SH3KBP1: variants seen among roughly 807,000 people sequenced by gnomAD.
SH3KBP1 encodes SH3 domain-containing kinase-binding protein 1.
In SH3KBP1, 8 loss-of-function variants were observed where a neutral mutation model predicts 50.1. That is an observed-to-expected ratio of 0.16 (90% CI 0.09 to 0.29). The LOEUF is 0.29. SH3KBP1 is among the 10% of genes least tolerant of loss of function. The pLI is 1.00. For missense variants in SH3KBP1, 377 were observed against 535.2 expected (o/e 0.70, Z 2.92); for synonymous variants, 227 against 218.6 (o/e 1.04, Z -0.34).
intron 3 of SH3KBP1, among the ~76,000 whole-genome samples, chrX:19,740,473 A>G (rs1217964856): frequency 8.9e-6 from 1 of 112,256 alleles, no homozygotes; most frequent in East Asian, 2.8e-4. Context: ...GAGCTTCTAC[A>G]CAACAGTAAT....
intron 2 of SH3KBP1, among the ~76,000 whole-genome samples, chrX:19,802,061 G>A (rs1358736182): frequency 9.1e-6 from 1 of 109,342 alleles, no homozygotes. Context: ...CTGAGCGACA[G>A]AGCAAGGCTC....
chrX:19,848,983 T>A (rs2068433898), intron 1 of SH3KBP1, among the ~76,000 whole-genome samples: 2 of 110,648 alleles, frequency 1.8e-5, no homozygotes, highest in Non-Finnish European at 3.8e-5. Flanking sequence ...TTTTTTAAAG[T>A]TTTTGTTCAG....
chrX:19,752,264 T>C (rs1181762415), intron 2 of SH3KBP1, among the ~76,000 whole-genome samples: 1 of 112,030 alleles, frequency 8.9e-6, no homozygotes, highest in African/African-American at 3.2e-5. Flanking sequence ...GGGGCAACAC[T>C]TAAAGTCTCT....
intron 4 of SH3KBP1, among the ~76,000 whole-genome samples, chrX:19,701,646 T>G (rs993868508): frequency 2.7e-5 from 3 of 112,058 alleles, no homozygotes; most frequent in African/African-American, 6.5e-5. Flanking sequence ...CCTCTGTGAC[T>G]ACTCCTATTT....
chrX:19,685,594 C>A (rs2063145939), intron 5 of SH3KBP1, among the ~76,000 whole-genome samples: 1 of 111,559 alleles, frequency 9.0e-6, no homozygotes, highest in African/African-American at 3.3e-5. Flanking sequence ...ACATCAAGAA[C>A]CCTCCCCCAT....
intron 7 of SH3KBP1, 54 bp downstream of exon 7, chrX:19,645,346 T>C: frequency 1.0e-6 from 1 of 955,203 alleles, no homozygotes; most frequent in Non-Finnish European, 1.5e-6. Flanking sequence ...ATTTCTGTTA[T>C]TGGGAAATCC....
At chrX:19,727,845 G>A (rs1281451771) in intron 3 of SH3KBP1, among the ~76,000 whole-genome samples, 3 of 111,470 alleles carry the variant, frequency 2.7e-5, no homozygotes, top group East Asian at 5.6e-4. Flanking sequence ...CGTGCTGGGC[G>A]CGGTGGAACG....
At position 19,749,398 on chromosome X, in the gene SH3KBP1, G is replaced by A. The variant is rs756902471; in HGVS notation, c.163-2957C>T. Among the ~76,000 whole-genome samples the A allele has an allele frequency of 7.1e-5, 8 of 112,753 alleles. No homozygotes were observed. In the South Asian group the frequency reaches 2.9e-3, roughly 41 times the overall value. On this transcript the variant is annotated intron_variant, in intron 2 of 17. Coordinates refer to ENST00000397821, the MANE Select transcript of SH3KBP1 (RefSeq NM_031892.3). The stretch of plus-strand genomic sequence containing the variant: ...GCAACTTTATACATAATAGCCAAAA[G>A]AAGGAAATAACCCAAGTGTCCATTA...
chrX:19,584,657 A>G (rs1031866570), intron 12 of SH3KBP1, among the ~76,000 whole-genome samples: 2 of 111,018 alleles, frequency 1.8e-5, no homozygotes, highest in Non-Finnish European at 3.8e-5. Flanking sequence ...TTGTTAAGTG[A>G]ATATATCTGA....
intron 1 of SH3KBP1, 57 bp downstream of exon 1, chrX:19,887,250 T>A: frequency 2.1e-6 from 2 of 951,856 alleles, no homozygotes; most frequent in Non-Finnish European, 2.6e-6. Flanking sequence ...GTTCTGGGAC[T>A]GGCGCGCCGC....
At chrX:19,876,767 G>A (rs1017354610) in intron 1 of SH3KBP1, among the ~76,000 whole-genome samples, 8 of 111,533 alleles carry the variant, frequency 7.2e-5, no homozygotes, top group African/African-American at 6.5e-5. Context: ...ACTTTTTCCC[G>A]TAAACACTTT....
chrX:19,617,835 C>A (rs764992586), intron 8 of SH3KBP1, among the ~76,000 whole-genome samples: 1 of 112,142 alleles, frequency 8.9e-6, no homozygotes, highest in Admixed American at 9.4e-5. Flanking sequence ...CCTACCCTCA[C>A]AGCACATAGG....
chrX:19,638,160 C>T (rs1257948745), intron 7 of SH3KBP1, among the ~76,000 whole-genome samples: 1 of 109,717 alleles, frequency 9.1e-6, no homozygotes, highest in East Asian at 2.9e-4. Flanking sequence ...CCTGTAATCC[C>T]AGCACTTTGG....
intron 6 of SH3KBP1, among the ~76,000 whole-genome samples, chrX:19,681,448 A>T (rs1451401510): frequency 8.9e-6 from 1 of 112,934 alleles, no homozygotes; most frequent in African/African-American, 3.2e-5. Flanking sequence ...TTTATTGAGC[A>T]CCTACAATGT....
chrX:19,768,645 G>A (rs937752812), intron 2 of SH3KBP1, among the ~76,000 whole-genome samples: 3 of 106,890 alleles, frequency 2.8e-5, no homozygotes, highest in African/African-American at 1.0e-4. Context: ...TGGTGTCTAT[G>A]TTTAGGAGAA....
At chrX:19,655,154 T>C (rs888610645) in intron 6 of SH3KBP1, among the ~76,000 whole-genome samples, 2 of 112,461 alleles carry the variant, frequency 1.8e-5, no homozygotes, top group African/African-American at 6.5e-5. Context: ...AAGAGATACC[T>C]GAGGTCAAAG....
chrX:19,608,589 ATGGGCCAC>A (rs1377114519), intron 8 of SH3KBP1, among the ~76,000 whole-genome samples: 1 of 111,950 alleles, frequency 8.9e-6, no homozygotes, highest in Non-Finnish European at 1.9e-5. Context: ...GATTACAGGC[ATGGGCCAC>A]TGCGCCCAGC....
intron 3 of SH3KBP1, among the ~76,000 whole-genome samples, chrX:19,743,466 A>C (rs2064831919): frequency 9.0e-6 from 1 of 111,400 alleles, no homozygotes; most frequent in African/African-American, 3.3e-5. Context: ...AAAGAAAAAA[A>C]AAGCCCATGG....
chrX:19,540,439 A>G (rs1888073262), intron 16 of SH3KBP1, among the ~76,000 whole-genome samples: 1 of 111,677 alleles, frequency 9.0e-6, no homozygotes, highest in African/African-American at 3.3e-5. Flanking sequence ...GGTGTGGGAC[A>G]CCTTGCATAT....
Sources: gnomAD v4.1 joint callset for allele counts (sites outside exome capture counted in the v4.1 genomes callset) on GRCh38, gnomAD v4.1.1 for gene constraint, MANE v1.5 for transcripts, NCBI Gene and HGNC (gene_info 2026-07-23, HGNC 2026-07-21) for gene names.